The following COP1 variants were observed in gnomAD, a reference collection of about 807,000 sequenced individuals.
The protein encoded by COP1 is E3 ubiquitin-protein ligase COP1.
Under a neutral mutation model 101.3 loss-of-function variants are expected in COP1, and 24 were observed. The observed-to-expected ratio is 0.24, with a 90% CI of 0.17 to 0.33. COP1 has a LOEUF of 0.33. Ranked by LOEUF, COP1 falls within the 10% of genes least tolerant of loss-of-function variation. The pLI is 1.00. For missense variants in COP1, 663 were observed against 906.2 expected (o/e 0.73, Z 3.45); for synonymous variants, 347 against 341.9 (o/e 1.01, Z -0.17).
At position 176,117,692 on chromosome 1, in the gene COP1, C is replaced by T. The variant is rs556667167; in HGVS notation, c.969-1011G>A. ...GGCGGATCACCTGAGGTCAGGAGTT[C>T]GAGACCAGCCTGACCAACATGGTGA... On this transcript the variant is annotated intron_variant, in intron 8 of 19. Transcript: ENST00000367669. Among the ~76,000 whole-genome samples the T allele has an allele frequency of 7.9e-5, 12 of 152,144 alleles. No homozygotes were observed. In the South Asian group the frequency reaches 2.1e-3, roughly 26 times the overall value.
intron 8 of COP1, among the ~76,000 whole-genome samples, chr1:176,120,805 T>C (rs1686992046): frequency 6.6e-6 from 1 of 152,216 alleles, no homozygotes; most frequent in Admixed American, 6.5e-5. Context: ...CTTGGAAAGA[T>C]AATAGGCATA....
At position 176,008,007 on chromosome 1, in the gene COP1, G is replaced by A. The variant is rs192105783; in HGVS notation, c.1730-18528C>T. 2.1e-3 allele frequency among the ~76,000 whole-genome samples: 315 copies of A among 152,270 alleles called. 1 individual carries two copies. Among genetic ancestry groups the A allele is most frequent in the African/African-American group, 7.3e-3 (302 of 41,560 alleles). The stretch of plus-strand genomic sequence containing the variant: ...TAGCAATCAGGGAGACTCCGTGGGC[G>A]TAGGACCCTCGGAGCCAGGTGCGGG... On this transcript the variant is annotated intron_variant, in intron 15 of 19. Transcript: ENST00000367669.
At chr1:175,956,951 TAA>T (rs1214935824) in intron 18 of COP1, among the ~76,000 whole-genome samples, 2 of 151,996 alleles carry the variant, frequency 1.3e-5, no homozygotes, top group African/African-American at 4.8e-5. Context: ...AAAAAATGTT[TAA>T]AAAGTAAAAA....
intron 15 of COP1, among the ~76,000 whole-genome samples, chr1:176,008,801 A>T (rs1664056641): frequency 6.6e-6 from 1 of 152,126 alleles, no homozygotes; most frequent in African/African-American, 2.4e-5. Context: ...TGTAATTCCT[A>T]CTGCATGGAG....
At chr1:176,161,127 T>C (rs1694250980) in intron 5 of COP1, among the ~76,000 whole-genome samples, 1 of 152,216 alleles carries the variant, frequency 6.6e-6, no homozygotes, top group Admixed American at 6.5e-5. Context: ...TCCTCAGATC[T>C]ACTTATCTGT....
intron 5 of COP1, among the ~76,000 whole-genome samples, chr1:176,159,866 T>C (rs1249021650): frequency 6.6e-6 from 1 of 152,140 alleles, no homozygotes; most frequent in East Asian, 1.9e-4. Flanking sequence ...GGGGTTTAAG[T>C]ATGAAAATAA....
intron 3 of COP1, among the ~76,000 whole-genome samples, chr1:176,171,742 C>T (rs1239249724): frequency 6.6e-6 from 1 of 152,012 alleles, no homozygotes; most frequent in Non-Finnish European, 1.5e-5. Flanking sequence ...TAAAAGTATG[C>T]CTGTATATAC....
chr1:176,106,393 T>TTC (rs1684310262), intron 9 of COP1, among the ~76,000 whole-genome samples: 1 of 152,124 alleles, frequency 6.6e-6, no homozygotes, highest in Admixed American at 6.5e-5. Flanking sequence ...CAAACCTCCT[T>TTC]CTTGCCTGGC....
intron 2 of COP1, among the ~76,000 whole-genome samples, chr1:176,178,935 C>T (rs1697351010): frequency 6.6e-6 from 1 of 150,424 alleles, no homozygotes; most frequent in Admixed American, 6.6e-5. Flanking sequence ...AGCACTTTGG[C>T]AGGCCAAGGT....
rs141550890 is a variant in COP1 at position 176,010,054 on chromosome 1, A to C, written c.1729+17518T>G. On this transcript the variant is annotated intron_variant, in intron 15 of 19. Coordinates refer to ENST00000367669, the MANE Select transcript of COP1 (RefSeq NM_022457.7). ...TGAAAAAAATATCCAGTCTGCAAAG[A>C]AGCTGAAAGAACAGCACAATGAATA... Among the ~76,000 whole-genome samples the C allele has an allele frequency of 8.9e-4, 135 of 152,258 alleles. 2 individuals are homozygous for C. Among genetic ancestry groups the C allele is most frequent in the African/African-American group, 2.8e-3 (115 of 41,550 alleles).
intron 14 of COP1, among the ~76,000 whole-genome samples, chr1:176,033,139 CG>C (rs1313111302): frequency 2.0e-5 from 3 of 152,082 alleles, no homozygotes; most frequent in African/African-American, 7.2e-5. Context: ...GGGCCAGGTG[CG>C]GTGGCTCATG....
chr1:176,135,134 T>C (rs1325800862), intron 7 of COP1, 48 bp from the exon 8 acceptor site: 11 of 1,262,628 alleles, frequency 8.7e-6, no homozygotes, highest in South Asian at 1.3e-5. Context: ...AAATAGAAGA[T>C]ATATAAATCA....
intron 18 of COP1, among the ~76,000 whole-genome samples, chr1:175,963,474 T>C (rs868410601): frequency 1.1e-4 from 16 of 152,204 alleles, no homozygotes; most frequent in Admixed American, 2.0e-4. Context: ...ACCTGGGTTC[T>C]AATTCCAACT....
In COP1 at chr1:176,086,657, T is replaced by C. The variant is rs373406932; in HGVS notation, c.1027-767A>G. On this transcript the variant is annotated intron_variant, in intron 9 of 19. Transcript: ENST00000367669. ...ATTCCATGCTCATGGATAGGAAGAA[T>C]CAATATTGTGAAAATGGCCATACTG... is the stretch of plus-strand genomic sequence containing the variant. Among the ~76,000 whole-genome samples, 41 of 152,142 alleles carry C rather than the reference T, an allele frequency of 2.7e-4. No homozygotes were observed. The South Asian group carries it at 8.3e-3, about 31-fold the overall frequency.
intron 11 of COP1, among the ~76,000 whole-genome samples, chr1:176,071,319 C>G (rs577716269): frequency 6.6e-6 from 1 of 152,258 alleles, no homozygotes; most frequent in Admixed American, 6.5e-5. Flanking sequence ...AGAAACTGAG[C>G]AGATGCCAGC....
At chr1:175,980,136 G>C (rs940629521) in intron 18 of COP1, among the ~76,000 whole-genome samples, 1 of 152,080 alleles carries the variant, frequency 6.6e-6, no homozygotes, top group Non-Finnish European at 1.5e-5. Context: ...CTGAAGCACC[G>C]TGTGGTTAAG....
intron 8 of COP1, among the ~76,000 whole-genome samples, chr1:176,124,644 C>T (rs1687724992): frequency 6.6e-6 from 1 of 152,062 alleles, no homozygotes; most frequent in Non-Finnish European, 1.5e-5. Context: ...AGTATGTGTA[C>T]CACATTTTCT....
chr1:176,156,115 G>A (rs2149885541), intron 5 of COP1, among the ~76,000 whole-genome samples: 1 of 152,010 alleles, frequency 6.6e-6, no homozygotes, highest in South Asian at 2.1e-4. Context: ...AAAAAAGTTT[G>A]GTGAGACTTA....
chr1:176,069,873 T>C (rs983010860), intron 11 of COP1, among the ~76,000 whole-genome samples: 11 of 152,242 alleles, frequency 7.2e-5, no homozygotes, highest in African/African-American at 2.7e-4. Context: ...TTGGATTGCA[T>C]GGCAATACAC....
Sources: gnomAD v4.1 joint callset for allele counts (sites outside exome capture counted in the v4.1 genomes callset) on GRCh38, gnomAD v4.1.1 for gene constraint, MANE v1.5 for transcripts, NCBI Gene and HGNC (gene_info 2026-07-23, HGNC 2026-07-21) for gene names.